HMBOX1: variants seen among roughly 807,000 people sequenced by gnomAD.
HMBOX1 encodes homeobox-containing protein 1.
A neutral mutation model predicts 54.5 loss-of-function variants in HMBOX1; 14 were observed. The observed-to-expected ratio is 0.26, with a 90% CI of 0.17 to 0.40. HMBOX1 has a LOEUF of 0.40. Among genes scored for constraint, HMBOX1 ranks in the 10% least tolerant of loss-of-function variants. HMBOX1 has a pLI of 1.00. For synonymous variants in HMBOX1, 160 were observed against 181.0 expected, an observed-to-expected ratio of 0.88 and a Z score of 0.93; for missense variants, 332 against 514.4, an observed-to-expected ratio of 0.65 and a Z score of 3.43.
At chr8:28,895,497 A>T (rs978782660) in intron 1 of HMBOX1, among the ~76,000 whole-genome samples, 1 of 152,128 alleles carries the variant, frequency 6.6e-6, no homozygotes, top group African/African-American at 2.4e-5. Flanking sequence ...CAACATGGCG[A>T]AACCTTGTCT....
At chr8:29,013,517 C>T (rs534324193) in intron 5 of HMBOX1, among the ~76,000 whole-genome samples, 4 of 152,236 alleles carry the variant, frequency 2.6e-5, no homozygotes, top group South Asian at 4.2e-4. Context: ...TAAGTGGACT[C>T]ATCAAGAAAA....
chr8:28,990,522 T>C (rs1376558072), intron 4 of HMBOX1, among the ~76,000 whole-genome samples: 2 of 152,270 alleles, frequency 1.3e-5, no homozygotes, highest in Non-Finnish European at 1.5e-5. Context: ...TCAGTTATGA[T>C]GTATTATCCA....
At chr8:28,977,724 A>T (rs1377626730) in intron 3 of HMBOX1, among the ~76,000 whole-genome samples, 1 of 152,018 alleles carries the variant, frequency 6.6e-6, no homozygotes, top group Admixed American at 6.5e-5. Context: ...GTGGATCACG[A>T]GGTCAGGAGA....
chr8:28,980,911 A>G (rs1829229215), intron 4 of HMBOX1, among the ~76,000 whole-genome samples: 1 of 152,118 alleles, frequency 6.6e-6, no homozygotes, highest in Non-Finnish European at 1.5e-5. Context: ...TACTTTGCAT[A>G]TTGATAGATA....
chr8:29,008,845 G>A (rs1267205134), intron 4 of HMBOX1, among the ~76,000 whole-genome samples: 1 of 152,092 alleles, frequency 6.6e-6, no homozygotes, highest in Non-Finnish European at 1.5e-5. Context: ...CCATTGTCGG[G>A]TCTTAATTAA....
At chr8:29,050,179 T>G (rs1465557148) in intron 9 of HMBOX1, 1 of 960,818 alleles carries the variant, frequency 1.0e-6, no homozygotes, top group Non-Finnish European at 1.2e-6. Context: ...ACATTCCATG[T>G]TTTGTTTGTT....
intron 1 of HMBOX1, among the ~76,000 whole-genome samples, chr8:28,956,994 G>A (rs761746049): frequency 1.3e-5 from 2 of 152,160 alleles, no homozygotes; most frequent in African/African-American, 4.8e-5. Context: ...AACAACAGAC[G>A]TTGGCAAGGC....
intron 5 of HMBOX1, among the ~76,000 whole-genome samples, chr8:29,011,033 A>C (rs907979591): frequency 6.6e-6 from 1 of 152,234 alleles, no homozygotes; most frequent in Admixed American, 6.5e-5. Context: ...ATTTTAGGCA[A>C]GATTACTTCA....
At chr8:28,980,858 C>A (rs1168601027) in intron 4 of HMBOX1, among the ~76,000 whole-genome samples, 2 of 152,040 alleles carry the variant, frequency 1.3e-5, no homozygotes, top group Admixed American at 6.6e-5. Flanking sequence ...TTAGAAGAAC[C>A]GGACACTCTT....
intron 7 of HMBOX1, 87 bp downstream of exon 7, chr8:29,045,530 C>A: frequency 1.9e-6 from 2 of 1,039,436 alleles, no homozygotes; most frequent in South Asian, 1.3e-5. Context: ...CTTATGCGTG[C>A]CTTGGCATGG....
At chr8:29,011,112 A>C (rs1834166963) in intron 5 of HMBOX1, among the ~76,000 whole-genome samples, 1 of 152,228 alleles carries the variant, frequency 6.6e-6, no homozygotes, top group Non-Finnish European at 1.5e-5. Flanking sequence ...AATAAAATGG[A>C]ATTGTATTTA....
chr8:28,891,042 TGTAA>T (rs1357200460), intron 1 of HMBOX1: 1 of 152,644 alleles, frequency 6.6e-6, no homozygotes, highest in Admixed American at 6.5e-5. Context: ...GTTTGGGGTG[TGTAA>T]GTGTGTTTAA....
At chr8:28,948,957 C>T (rs1185278836) in intron 1 of HMBOX1, among the ~76,000 whole-genome samples, 2 of 152,168 alleles carry the variant, frequency 1.3e-5, no homozygotes, top group African/African-American at 4.8e-5. Flanking sequence ...TTATTATACT[C>T]TGCCTGCAAA....
chr8:28,940,238 C>T (rs1341944410), intron 1 of HMBOX1, among the ~76,000 whole-genome samples: 1 of 152,110 alleles, frequency 6.6e-6, no homozygotes, highest in Non-Finnish European at 1.5e-5. Flanking sequence ...AACTCTCAAC[C>T]TCAGGTGATC....
intron 1 of HMBOX1, among the ~76,000 whole-genome samples, chr8:28,945,070 T>C (rs2132058412): frequency 6.6e-6 from 1 of 152,320 alleles, no homozygotes; most frequent in African/African-American, 2.4e-5. Context: ...GTTGTTATTT[T>C]TGTTACAAAT....
chr8:28,930,435 C>A (rs532306338), intron 1 of HMBOX1, among the ~76,000 whole-genome samples: 2 of 152,166 alleles, frequency 1.3e-5, no homozygotes, highest in African/African-American at 4.8e-5. Context: ...CCATCTTAGA[C>A]GTGTAGATAC....
chr8:28,957,869 C>T (rs961660243), intron 1 of HMBOX1, among the ~76,000 whole-genome samples: 7 of 152,046 alleles, frequency 4.6e-5, no homozygotes, highest in Non-Finnish European at 8.8e-5. Flanking sequence ...GTGGTTCGCC[C>T]GCCTCAGCCT....
At chr8:28,938,266 A>G (rs1365139235) in intron 1 of HMBOX1, among the ~76,000 whole-genome samples, 4 of 152,190 alleles carry the variant, frequency 2.6e-5, no homozygotes, top group Non-Finnish European at 4.4e-5. Context: ...TGCTCTTGCA[A>G]TGTAATAGAA....
At chr8:29,026,609 C>T (rs949046207) in intron 6 of HMBOX1, among the ~76,000 whole-genome samples, 6 of 152,194 alleles carry the variant, frequency 3.9e-5, no homozygotes, top group African/African-American at 1.4e-4. Context: ...TTAATCCTCA[C>T]TGCAGGCCTG....
Sources: gnomAD v4.1 joint callset for allele counts (sites outside exome capture counted in the v4.1 genomes callset) on GRCh38, gnomAD v4.1.1 for gene constraint, MANE v1.5 for transcripts, NCBI Gene and HGNC (gene_info 2026-07-23, HGNC 2026-07-21) for gene names.